Variants in KLHL28 observed in about 807,000 individuals in gnomAD.
KLHL28 encodes kelch like family member 28, also known as kelch-like protein 28.
KLHL28 carries 22 observed loss-of-function variants against 48.3 expected under a neutral mutation model. The observed-to-expected ratio is 0.46, with a 90% CI of 0.33 to 0.65. The LOEUF is 0.65. Among genes scored for constraint, KLHL28 ranks in the 30% least tolerant of loss-of-function variants. The pLI, the probability that KLHL28 is intolerant of heterozygous loss-of-function variation, is 0.03. For missense variants in KLHL28, 527 were observed against 704.3 expected, an observed-to-expected ratio of 0.75 and a Z score of 2.85; for synonymous variants, 243 against 242.4, an observed-to-expected ratio of 1.00 and a Z score of -0.02.
At chr14:44,953,822 T>G (rs962811956) in intron 1 of KLHL28, 1 of 152,132 alleles carries the variant, frequency 6.6e-6, no homozygotes, top group African/African-American at 2.4e-5. Flanking sequence ...TTCCTAACTT[T>G]GAAACAAAAT....
At chr14:44,945,988 C>G in intron 1 of KLHL28, 60 bp from the exon 2 acceptor site, 1 of 1,309,698 alleles carries the variant, frequency 7.6e-7, no homozygotes, top group Non-Finnish European at 1.1e-6. Context: ...AAAAACACTG[C>G]TTTTCAAATA....
In KLHL28 at chr14:44,928,557, T is replaced by G. The variant is rs1161295187; in HGVS notation, c.*471A>C. On this transcript the variant is annotated 3_prime_UTR_variant, in exon 5 of 5. Transcript: ENST00000396128. ...AGCCCTTTGTTTGTTTTAAAACAAATGAAAAATGTGAAGCATTTACATCCA... is the reference window on the plus strand; with the variant it reads ...AGCCCTTTGTTTGTTTTAAAACAAAGGAAAAATGTGAAGCATTTACATCCA... 6.6e-6 allele frequency: 1 copy of G among 152,120 alleles called. No individual in the cohort carries two copies. Among genetic ancestry groups the G allele is most frequent in the Non-Finnish European group, 1.5e-5 (1 of 68,062 alleles). The allele number at this position is 152,120 out of a possible 1,614,324, so 9.4% of individuals were successfully genotyped here.
intron 2 of KLHL28, among the ~76,000 whole-genome samples, chr14:44,941,648 AAAAG>A (rs1187175499): frequency 6.6e-6 from 1 of 151,736 alleles, no homozygotes; most frequent in Non-Finnish European, 1.5e-5. Context: ...AAAAAAAAGA[AAAAG>A]AAAAAGAAAT....
chr14:44,927,443 T>C lies in KLHL28; in HGVS notation c.*1585A>G, dbSNP rs1307691219. On this transcript the variant is annotated 3_prime_UTR_variant, in exon 5 of 5. Transcript: ENST00000396128. ...ATTTTTTTCTTAAGAAAAATTATCT[T>C]GCAGAGACTTTATAAGGAGATCGCA... 1 of 152,490 alleles carries C rather than the reference T, an allele frequency of 6.6e-6. No homozygotes were observed. The highest frequency in any genetic ancestry group is 1.5e-5 in the Non-Finnish European group (1 of 67,996). 9.4% of individuals were successfully genotyped at this position (152,490 alleles called of 1,614,324 possible). A position where few individuals can be genotyped will look rare whatever the true frequency, so the allele number is the denominator to read the frequency against.
rs1440980402 is a variant in KLHL28, at chr14:44,945,035, C to T, written c.894G>A (p.Leu298=). The T allele has an allele frequency of 1.3e-6, 2 of 1,588,330 alleles. No individual in the cohort carries two copies. The highest frequency in any genetic ancestry group is 2.3e-5 in the South Asian group (2 of 88,824). Residue 298 remains leucine (L), a synonymous_variant, in exon 2 of 5, where the codon TTG becomes TTA. Coordinates refer to ENST00000396128, the MANE Select transcript of KLHL28 (RefSeq NM_017658.5). ...TAGGAAAGCCTTCTATTTACCTATC[C>T]AAACAGGCAAAGAGTCCAGATTTCC... The part of the protein sequence containing the change: ...VGGKSGLFAC[L]DSVEMYFPQN...
chr14:44,944,764 G>C (rs10149748), intron 2 of KLHL28, among the ~76,000 whole-genome samples: 7,751 of 152,154 alleles, frequency 0.051, 662 homozygotes, highest in African/African-American at 0.18. Flanking sequence ...GAAAGAAAGA[G>C]AGAAAATGGA....
At position 44,945,216 on chromosome 14, in the gene KLHL28, T is replaced by C; in HGVS notation, c.713A>G (p.Tyr238Cys). ...ATCACGAATAAGATGATTTGCTTCATATAGTCTAGTGAGAAACTTAACACT... is the reference window on the plus strand; with the variant it reads ...ATCACGAATAAGATGATTTGCTTCACATAGTCTAGTGAGAAACTTAACACT... ...LLSVKFLTRL[Y>C]EANHLIRDDR... Residue 238 changes from tyrosine to cysteine, a missense_variant, in exon 2 of 5, where the codon TAT (tyrosine) becomes TGT (cysteine). By Grantham distance (194) the Tyr-to-Cys change is radical. Transcript: ENST00000396128. The C allele has an allele frequency of 6.2e-7, 1 of 1,614,166 alleles. No homozygotes were observed. The highest frequency in any genetic ancestry group is 8.5e-7 in the Non-Finnish European group (1 of 1,180,022).
Position 44,924,425 on chromosome 14 carries a change from TAAAA to T in KLHL28, c.*4599_*4602del, listed in dbSNP as rs1459851549. The T allele has an allele frequency of 6.6e-6, 1 of 152,404 alleles. No individual in the cohort carries two copies. The allele number at this position is 152,404 out of a possible 1,614,324, so 9.4% of individuals were successfully genotyped here. On this transcript the variant is annotated 3_prime_UTR_variant, in exon 5 of 5. Coordinates refer to ENST00000396128, the MANE Select transcript of KLHL28 (RefSeq NM_017658.5). ...TGATACACACAAATAACCTTTAAAA[TAAAA>T]AAGAATACAATTCTTAACTAGTTAA...
intron 2 of KLHL28, among the ~76,000 whole-genome samples, chr14:44,943,417 G>A (rs1884184073): frequency 6.6e-6 from 1 of 152,170 alleles, no homozygotes; most frequent in African/African-American, 2.4e-5. Context: ...CAGCACTTTG[G>A]GAGGCCAAGG....
At chr14:44,948,128 GTAGA>G (rs1164746661) in intron 1 of KLHL28, among the ~76,000 whole-genome samples, 1 of 152,160 alleles carries the variant, frequency 6.6e-6, no homozygotes, top group African/African-American at 2.4e-5. Context: ...GGAAAGGCAA[GTAGA>G]TAGAAAAAAT....
chr14:44,935,689 G>A (rs934464703), intron 2 of KLHL28, among the ~76,000 whole-genome samples: 5 of 151,098 alleles, frequency 3.3e-5, no homozygotes, highest in East Asian at 1.9e-4. Flanking sequence ...GGAATAGTTC[G>A]TAAAAATTCA....
chr14:44,959,936 G>A (rs955310326), intron 1 of KLHL28, among the ~76,000 whole-genome samples: 5 of 151,868 alleles, frequency 3.3e-5, no homozygotes, highest in East Asian at 3.9e-4. Context: ...AATCTGCTTC[G>A]TAATAAAAAG....
At position 44,945,617 on chromosome 14, in the gene KLHL28, T is replaced by G; in HGVS notation, c.312A>C (p.Thr104=). Residue 104 remains threonine, a synonymous_variant, in exon 2 of 5, where the codon ACA becomes ACC. Coordinates refer to ENST00000396128, the MANE Select transcript of KLHL28 (RefSeq NM_017658.5). ...YTGTVFISQD[T]VESLLPAANL... is the part of the protein sequence containing the mutation. Reference sequence around the variant, plus strand: ...TTGCTGCTGGCAGGAGAGATTCAACTGTGTCCTGAGAAATAAAAACAGTCC... The same window carrying G: ...TTGCTGCTGGCAGGAGAGATTCAACGGTGTCCTGAGAAATAAAAACAGTCC... 6.2e-7 allele frequency: 1 copy of G among 1,614,184 alleles called. No homozygotes were observed. The highest frequency in any genetic ancestry group is 8.5e-7 in the Non-Finnish European group (1 of 1,180,026).
At position 44,945,931 on chromosome 14, in the gene KLHL28, A is replaced by G. The variant is rs1437017849; in HGVS notation, c.1-3T>C. ...TAGGTCGGGGATGTGTGGTCCATCT[A>G]CAGAAAAATAAAAAAGCATAGACAG... On this transcript the variant is annotated splice_polypyrimidine_tract_variant and splice_region_variant and intron_variant, in intron 1 of 4. Coordinates refer to ENST00000396128, the MANE Select transcript of KLHL28 (RefSeq NM_017658.5). 2.5e-6 allele frequency: 4 copies of G among 1,605,466 alleles called. No homozygotes were observed. The highest frequency in any genetic ancestry group is 3.4e-6 in the Non-Finnish European group (4 of 1,173,836).
intron 2 of KLHL28, among the ~76,000 whole-genome samples, chr14:44,935,413 C>A (rs566863099): frequency 2.0e-5 from 3 of 152,060 alleles, no homozygotes; most frequent in Non-Finnish European, 4.4e-5. Context: ...GGGATTTGTA[C>A]ATTTTTCTGC....
At chr14:44,957,072 C>G (rs1469119292) in intron 1 of KLHL28, among the ~76,000 whole-genome samples, 4 of 152,168 alleles carry the variant, frequency 2.6e-5, no homozygotes, top group Admixed American at 2.6e-4. Flanking sequence ...AATCCTCCTG[C>G]CTTGGCCTCC....
chr14:44,941,129 CA>C (rs983728916), intron 2 of KLHL28, among the ~76,000 whole-genome samples: 2 of 150,130 alleles, frequency 1.3e-5, no homozygotes, highest in Middle Eastern at 3.2e-3. Context: ...TCCAAATAAA[CA>C]AAAAAAAACT....
chr14:44,950,173 G>C (rs1022865283), intron 1 of KLHL28, among the ~76,000 whole-genome samples: 1 of 151,950 alleles, frequency 6.6e-6, no homozygotes, highest in Non-Finnish European at 1.5e-5. Context: ...ACATAAAAAG[G>C]GCTCAGAATA....
At chr14:44,940,802 T>C (rs1430903739) in intron 2 of KLHL28, among the ~76,000 whole-genome samples, 1 of 152,200 alleles carries the variant, frequency 6.6e-6, no homozygotes, top group African/African-American at 2.4e-5. Flanking sequence ...ATCTATCTTA[T>C]ATCTTTACCC....
Sources: gnomAD v4.1 joint callset for allele counts (sites outside exome capture counted in the v4.1 genomes callset) on GRCh38, gnomAD v4.1.1 for gene constraint, MANE v1.5 for transcripts, NCBI Gene and HGNC (gene_info 2026-07-23, HGNC 2026-07-21) for gene names.